The following HSF2BP variants were observed in gnomAD, a reference collection of about 807,000 sequenced individuals.
HSF2BP encodes heat shock transcription factor 2 binding protein.
In HSF2BP, 35 loss-of-function variants were observed where a neutral mutation model predicts 35.0. The ratio of observed to expected loss-of-function variants is 1.00; its 90% confidence interval spans 0.76 to 1.32. The LOEUF is 1.32. Ranked by LOEUF, HSF2BP falls within the 40% of genes most tolerant of loss-of-function variation. The probability of loss-of-function intolerance (pLI) is 0.00; values close to 1 mark genes in which losing one functional copy is unlikely to be tolerated. For missense variants in HSF2BP, 326 were observed against 321.7 expected (o/e 1.01, Z -0.10); for synonymous variants, 114 against 117.4 (o/e 0.97, Z 0.18).
At chr21:43,607,693 CTA>C (rs2082151883) in intron 7 of HSF2BP, among the ~76,000 whole-genome samples, 1 of 152,210 alleles carries the variant, frequency 6.6e-6, no homozygotes, top group Admixed American at 6.5e-5. Flanking sequence ...CACCTTCAAA[CTA>C]TACTACCAGG....
intron 7 of HSF2BP, among the ~76,000 whole-genome samples, chr21:43,593,939 G>A (rs150668412): frequency 4.5e-4 from 68 of 152,104 alleles, no homozygotes; most frequent in African/African-American, 1.5e-3. Flanking sequence ...GATTCAGGAG[G>A]CACAAAAACA....
At chr21:43,583,918 AG>A (rs1383344423) in intron 8 of HSF2BP, among the ~76,000 whole-genome samples, 4 of 134,480 alleles carry the variant, frequency 3.0e-5, no homozygotes, top group African/African-American at 1.1e-4. Flanking sequence ...AGGGAGATGA[AG>A]GGCCTGCTGA....
chr21:43,631,095 T>TA (rs1156486180), intron 5 of HSF2BP, among the ~76,000 whole-genome samples: 3 of 152,230 alleles, frequency 2.0e-5, no homozygotes, highest in African/African-American at 7.2e-5. Context: ...AATGCAACTC[T>TA]AAAAATTTGC....
At chr21:43,609,084 C>T (rs779552878) in intron 7 of HSF2BP, among the ~76,000 whole-genome samples, 5 of 152,232 alleles carry the variant, frequency 3.3e-5, no homozygotes, top group African/African-American at 9.6e-5. Flanking sequence ...TGGAATACTT[C>T]GCAGCCAGAA....
intron 6 of HSF2BP, among the ~76,000 whole-genome samples, chr21:43,618,981 T>C (rs564050706): frequency 1.8e-4 from 27 of 151,998 alleles, no homozygotes; most frequent in African/African-American, 4.8e-4. Flanking sequence ...ATTAAAGCTA[T>C]AAAATTCTTT....
intron 3 of HSF2BP, among the ~76,000 whole-genome samples, chr21:43,651,761 T>C (rs1249561008): frequency 6.6e-6 from 1 of 152,226 alleles, no homozygotes; most frequent in Non-Finnish European, 1.5e-5. Flanking sequence ...GACTTTCACA[T>C]GCCACCGCCC....
intron 3 of HSF2BP, among the ~76,000 whole-genome samples, chr21:43,649,147 T>G (rs1275137769): frequency 1.3e-5 from 2 of 152,148 alleles, no homozygotes; most frequent in African/African-American, 4.8e-5. Context: ...TTCTGCCTCC[T>G]GGGCTCAAGC....
At chr21:43,634,516 G>T (rs1312232623) in intron 4 of HSF2BP, among the ~76,000 whole-genome samples, 1 of 152,134 alleles carries the variant, frequency 6.6e-6, no homozygotes. Context: ...TTCTTTTAGA[G>T]AGATAAATAC....
At chr21:43,575,934 A>G (rs559377997) in intron 8 of HSF2BP, among the ~76,000 whole-genome samples, 73 of 152,320 alleles carry the variant, frequency 4.8e-4, no homozygotes, top group African/African-American at 1.7e-3. Context: ...CCTGGCCAAC[A>G]TGGCGAAACC....
chr21:43,613,790 T>G lies in HSF2BP; in HGVS notation c.692+40A>C, dbSNP rs146281231. 618 of 1,309,108 alleles carry G rather than the reference T, an allele frequency of 4.7e-4. 3 individuals are homozygous for G. The African/African-American group carries it at 7.1e-3, about 15-fold the overall frequency. The allele number at this position is 1,309,108 out of a possible 1,614,324, so 81.1% of individuals were successfully genotyped here. A position where few individuals can be genotyped will look rare whatever the true frequency, so the allele number is the denominator to read the frequency against. ...GGCCCAATCAGCACAGTCTAATTAA[T>G]ATGTAAATAGAATTAACTTTTTAAC... On this transcript the variant is annotated intron_variant, in intron 7 of 8. Coordinates refer to ENST00000291560, the MANE Select transcript of HSF2BP (RefSeq NM_007031.2).
chr21:43,576,717 A>C (rs2081649134), intron 8 of HSF2BP, among the ~76,000 whole-genome samples: 1 of 152,234 alleles, frequency 6.6e-6, no homozygotes. Context: ...AAAGGTCTTA[A>C]AACATGCAAA....
intron 7 of HSF2BP, chr21:43,610,057 T>C (rs1448890961): frequency 2.0e-5 from 3 of 152,438 alleles, no homozygotes; most frequent in African/African-American, 7.2e-5. Context: ...ATATGGACCT[T>C]GTACAGACCA....
chr21:43,628,681 C>T (rs1341149030), intron 6 of HSF2BP, among the ~76,000 whole-genome samples: 5 of 152,206 alleles, frequency 3.3e-5, no homozygotes, highest in African/African-American at 7.2e-5. Flanking sequence ...TAGACAAAGT[C>T]GCTTTCTATT....
At chr21:43,587,665 C>CAA (rs11292342) in intron 8 of HSF2BP, among the ~76,000 whole-genome samples, 12 of 79,054 alleles carry the variant, frequency 1.5e-4, no homozygotes, top group East Asian at 3.7e-4. Flanking sequence ...AATTCTGTCT[C>CAA]AAAAAAAAAA....
chr21:43,658,873 C>A (rs149878471), intron 1 of HSF2BP, among the ~76,000 whole-genome samples: 18 of 152,350 alleles, frequency 1.2e-4, no homozygotes, highest in African/African-American at 4.1e-4. Flanking sequence ...GCTCAACAGG[C>A]CCCAGTGCCG....
intron 7 of HSF2BP, among the ~76,000 whole-genome samples, chr21:43,599,935 CATGG>C (rs2082032285): frequency 1.3e-5 from 2 of 148,564 alleles, no homozygotes; most frequent in Admixed American, 1.3e-4. Context: ...ACCTGTTATA[CATGG>C]GACTAACAGG....
intron 5 of HSF2BP, 111 bp from the exon 6 acceptor site, chr21:43,630,565 A>C: frequency 1.5e-6 from 2 of 1,306,734 alleles, no homozygotes; most frequent in Non-Finnish European, 2.0e-6. Context: ...ATATTGTAAA[A>C]TCTATTCCCT....
intron 7 of HSF2BP, among the ~76,000 whole-genome samples, chr21:43,596,403 C>T (rs1312216666): frequency 6.6e-6 from 1 of 152,084 alleles, no homozygotes; most frequent in Non-Finnish European, 1.5e-5. Context: ...CACACACACA[C>T]ACACACACAG....
the HSF2BP span, among the ~76,000 whole-genome samples, chr21:43,467,916 CACACACA>C: frequency 9.2e-6 from 1 of 109,210 alleles, no homozygotes; most frequent in Non-Finnish European, 1.9e-5. Context: ...CACCACACAC[CACACACA>C]CCACACACCA....
Sources: allele counts gnomAD v4.1 joint callset (sites outside exome capture counted in the v4.1 genomes callset), GRCh38; gene constraint gnomAD v4.1.1; transcripts MANE v1.5; gene names NCBI Gene and HGNC (gene_info 2026-07-23, HGNC 2026-07-21).